ZSWIM1: variants seen among roughly 807,000 people sequenced by gnomAD.
ZSWIM1 encodes the protein zinc finger SWIM domain-containing protein 1.
Under a neutral mutation model 29.3 loss-of-function variants are expected in ZSWIM1, and 22 were observed. That is an observed-to-expected ratio of 0.75 (90% CI 0.54 to 1.07). The LOEUF is 1.07. Ranked by LOEUF, ZSWIM1 falls within the 50% of genes least tolerant of loss-of-function variation. ZSWIM1 has a pLI of 0.00. For missense variants in ZSWIM1, 511 were observed against 596.2 expected (o/e 0.86, Z 1.49); for synonymous variants, 228 against 240.8 (o/e 0.95, Z 0.49).
rs1455684050 is a variant in ZSWIM1, at chr20:45,883,390, C to T, written c.798C>T (p.Ser266=). 8 of 1,614,104 alleles carry T rather than the reference C, an allele frequency of 5.0e-6. No homozygotes were observed. The highest frequency in any genetic ancestry group is 2.2e-5 in the East Asian group (1 of 44,898). ...TCGAGGTCACCACCCACATCCTCAG[C>T]CAGTTCTTTGGTACCACCCCATCTG... The part of the protein sequence containing the change: ...QSLEVTTHIL[S]QFFGTTPSEK... Residue 266 remains serine, a synonymous_variant, in exon 2 of 2, where the codon AGC becomes AGT. Coordinates refer to ENST00000372523, the MANE Select transcript of ZSWIM1 (RefSeq NM_080603.5).
chr20:45,883,907 A>G lies in ZSWIM1; in HGVS notation c.1315A>G (p.Lys439Glu). Residue 439 changes from lysine (K) to glutamate (E), a missense_variant, in exon 2 of 2, where the codon AAG (lysine) becomes GAG (glutamate). Lys to Glu is a moderately conservative substitution (Grantham distance 56). Transcript: ENST00000372523. Reference sequence around the variant, plus strand: ...CAGCAAGTGGAGTGAGACCCTGGATAAGCACCTGGCAGTGACTCACCTCAC... The same window carrying G: ...CAGCAAGTGGAGTGAGACCCTGGATGAGCACCTGGCAGTGACTCACCTCAC... ...LGSKWSETLD[K>E]HLAVTHLTEE... 1 of 1,614,110 alleles carries G rather than the reference A, an allele frequency of 6.2e-7. No individual in the cohort carries two copies. The highest frequency in any genetic ancestry group is 8.5e-7 in the Non-Finnish European group (1 of 1,180,032).
chr20:45,883,824 A>G lies in ZSWIM1; in HGVS notation c.1232A>G (p.Asp411Gly), dbSNP rs376456023. ...GCCCGCCGCCAGGTGCTCCAGCCCG[A>G]CATGCTGCCGGCTCAGTGGACGGCA... is the stretch of plus-strand genomic sequence containing the variant. ...LSARRQVLQP[D>G]MLPAQWTAGC... is the part of the protein sequence containing the mutation. Residue 411 changes from aspartate to glycine, a missense_variant, in exon 2 of 2, where the codon GAC becomes GGC. Physicochemically the swap from Asp to Gly is moderately conservative, Grantham distance 94 (BLOSUM62 -1). Transcript: ENST00000372523. The G allele has an allele frequency of 2.2e-5, 36 of 1,613,640 alleles. 1 individual carries two copies. The East Asian group carries it at 2.7e-4, about 12-fold the overall frequency.
chr20:45,884,134 ACACACACACT>A lies in ZSWIM1; in HGVS notation c.*86_*95del. The A allele has an allele frequency of 1.3e-5, 19 of 1,447,478 alleles. No individual in the cohort carries two copies. The highest frequency in any genetic ancestry group is 1.3e-5 in the Non-Finnish European group (14 of 1,069,914). 89.7% of individuals were successfully genotyped at this position (1,447,478 alleles called of 1,614,324 possible). A position where few individuals can be genotyped will look rare whatever the true frequency, so the allele number is the denominator to read the frequency against. On this transcript the variant is annotated 3_prime_UTR_variant, in exon 2 of 2. Coordinates refer to ENST00000372523, the MANE Select transcript of ZSWIM1 (RefSeq NM_080603.5). ...CACACACACACACACACACACACACACACACACACTCCCTTACACTGTTGTACTTCCGTGG... is the reference window on the plus strand; with the variant it reads ...CACACACACACACACACACACACACACCCTTACACTGTTGTACTTCCGTGG...
At chr20:45,880,986 A>G (rs1367079891), upstream of ZSWIM1, among the ~76,000 whole-genome samples, 1 of 152,212 alleles carries the variant, frequency 6.6e-6, no homozygotes, top group Non-Finnish European at 1.5e-5. Flanking sequence ...CCAGTCGCCT[A>G]GCCTGAAGGG....
In ZSWIM1 at chr20:45,883,127, G is replaced by A. The variant is rs1215467531; in HGVS notation, c.535G>A (p.Ala179Thr). Residue 179 changes from alanine to threonine, a missense_variant, in exon 2 of 2, where the codon GCC (alanine) becomes ACC (threonine). Transcript: ENST00000372523. ...CTTCCACATTTGTAAGTTCCTCCAG[G>A]CCAAGTTCTATCAGCTGTCCCTTGA... ...SAFHICKFLQAKFYQLSLERP... is the reference protein window; with the variant it reads ...SAFHICKFLQTKFYQLSLERP... 1.2e-6 allele frequency: 2 copies of A among 1,614,164 alleles called. No homozygotes were observed. The highest frequency in any genetic ancestry group is 2.2e-5 in the South Asian group (2 of 91,076).
intron 1 of ZSWIM1, among the ~76,000 whole-genome samples, chr20:45,882,114 G>T (rs754156961): frequency 3.9e-5 from 6 of 152,214 alleles, no homozygotes; most frequent in Non-Finnish European, 5.9e-5. Flanking sequence ...GCCTCCCAAA[G>T]TACTGGGATT....
Position 45,882,577 on chromosome 20 carries a change from A to G in ZSWIM1, c.-16A>G, listed in dbSNP as rs753328399. On this transcript the variant is annotated 5_prime_UTR_variant, in exon 2 of 2. Transcript: ENST00000372523. ...ATCTGGGAATGATTGTCTAGCCTCC[A>G]GCCTCAACTTACTTGATGCTTGAGA... is the stretch of plus-strand genomic sequence containing the variant. 1.9e-6 allele frequency: 3 copies of G among 1,602,836 alleles called. No homozygotes were observed. The highest frequency in any genetic ancestry group is 1.1e-5 in the South Asian group (1 of 89,472).
chr20:45,885,042 T>C lies in ZSWIM1; in HGVS notation c.*992T>C, dbSNP rs373158262. ...ATAAAATAAATGGCAACCCCTGGTC[T>C]AAGATAAGAGATAAAACATCAGGTG... is the stretch of plus-strand genomic sequence containing the variant. On this transcript the variant is annotated 3_prime_UTR_variant, in exon 2 of 2. Transcript: ENST00000372523. 6.0e-6 allele frequency: 1 copy of C among 167,032 alleles called. No individual in the cohort carries two copies. The highest frequency in any genetic ancestry group is 1.9e-4 in the East Asian group (1 of 5,182). 10.3% of individuals were successfully genotyped at this position (167,032 alleles called of 1,614,324 possible).
chr20:45,882,564 T>C lies in ZSWIM1; in HGVS notation c.-29T>C. On this transcript the variant is annotated 5_prime_UTR_variant, in exon 2 of 2. Coordinates refer to ENST00000372523, the MANE Select transcript of ZSWIM1 (RefSeq NM_080603.5). ...CTTTGGAAAAAAGATCTGGGAATGA[T>C]TGTCTAGCCTCCAGCCTCAACTTAC... The C allele has an allele frequency of 6.3e-7, 1 of 1,588,838 alleles. No individual in the cohort carries two copies. Among genetic ancestry groups the C allele is most frequent in the Non-Finnish European group, 8.6e-7 (1 of 1,167,860 alleles).
Position 45,884,613 on chromosome 20 carries a change from C to T in ZSWIM1, c.*563C>T, listed in dbSNP as rs138690365. On this transcript the variant is annotated 3_prime_UTR_variant, in exon 2 of 2. Transcript: ENST00000372523. ...TCCTGACTTCGTGATCTGCCCGCCT[C>T]GGCCTCCCAAAGTGCTGGGATTACA... 7,731 of 166,666 alleles carry T rather than the reference C, an allele frequency of 0.046. 227 individuals carry two copies. The highest frequency in any genetic ancestry group is 0.11 in the South Asian group (533 of 4,814). 10.3% of individuals were successfully genotyped at this position (166,666 alleles called of 1,614,324 possible).
Position 45,884,016 on chromosome 20 carries a change from G to A in ZSWIM1, c.1424G>A (p.Ser475Asn), listed in dbSNP as rs202023384. ...RYSTLRELAD[S>N]WIGPYEQVQL ...AGCACCCTGCGGGAACTGGCCGACA[G>A]CTGGATTGGGCCTTATGAGCAGGTC... Residue 475 changes from serine (S) to asparagine (N), a missense_variant, in exon 2 of 2, where the codon AGC becomes AAC. Transcript: ENST00000372523. 19 of 1,613,592 alleles carry A rather than the reference G, an allele frequency of 1.2e-5. No homozygotes were observed. Among genetic ancestry groups the A allele is most frequent in the Non-Finnish European group, 1.5e-5 (18 of 1,179,726 alleles).
rs767871175 is a variant in ZSWIM1 at position 45,883,305 on chromosome 20, G to T, written c.713G>T (p.Arg238Leu). 8 of 1,613,838 alleles carry T rather than the reference G, an allele frequency of 5.0e-6. No individual in the cohort carries two copies. The highest frequency in any genetic ancestry group is 5.9e-6 in the Non-Finnish European group (7 of 1,180,038). ...CACTCACACTGGCTGCTCAACGACCGCATCTGGCTGGCTCACCGCTGGAGA... is the reference window on the plus strand; with the variant it reads ...CACTCACACTGGCTGCTCAACGACCTCATCTGGCTGGCTCACCGCTGGAGA... ...ELHSHWLLND[R>L]IWLAHRWRSR... Residue 238 changes from arginine to leucine, a missense_variant, in exon 2 of 2, where the codon CGC becomes CTC. By Grantham distance (102) the Arg-to-Leu change is moderately radical (BLOSUM62 -2). Transcript: ENST00000372523.
rs1005275272 is a variant in ZSWIM1, at chr20:45,885,009, T to TA, written c.*967dup. On this transcript the variant is annotated 3_prime_UTR_variant, in exon 2 of 2. Transcript: ENST00000372523. ...CAGCCTGGGAGGGTGAGACTCCATC[T>TA]AAAAAAAATAAAATAAATGGCAACC... 27 of 166,828 alleles carry TA rather than the reference T, an allele frequency of 1.6e-4. No individual in the cohort carries two copies. The highest frequency in any genetic ancestry group is 9.6e-5 in the African/African-American group (4 of 41,512). The allele number at this position is 166,828 out of a possible 1,614,324, so 10.3% of individuals were successfully genotyped here. A position where few individuals can be genotyped will look rare whatever the true frequency, so the allele number is the denominator to read the frequency against.
At position 45,883,833 on chromosome 20, in the gene ZSWIM1, C is replaced by T. The variant is rs761821569; in HGVS notation, c.1241C>T (p.Pro414Leu). Residue 414 changes from proline (P) to leucine (L), a missense_variant, in exon 2 of 2, where the codon CCG (proline) becomes CTG (leucine). Transcript: ENST00000372523. ...CAGGTGCTCCAGCCCGACATGCTGC[C>T]GGCTCAGTGGACGGCAGGCTGTGCT... ...RRQVLQPDML[P>L]AQWTAGCATS... 4.1e-5 allele frequency: 66 copies of T among 1,613,426 alleles called. No individual in the cohort carries two copies. In the South Asian group the frequency reaches 5.3e-4, roughly 13 times the overall value.
chr20:45,883,503 A>G lies in ZSWIM1; in HGVS notation c.911A>G (p.Asn304Ser). Residue 304 changes from asparagine to serine, a missense_variant, in exon 2 of 2, where the codon AAC becomes AGC. Physicochemically the swap from Asn to Ser is conservative, Grantham distance 46 (BLOSUM62 1). Transcript: ENST00000372523. ...TTCAACCAGGGCCTGTGTGCCCAGAACAATCATGCTCCCTCAGACACCATC... is the reference window on the plus strand; with the variant it reads ...TTCAACCAGGGCCTGTGTGCCCAGAGCAATCATGCTCCCTCAGACACCATC... ...ANFNQGLCAQ[N>S]NHAPSDTIPE... is the part of the protein sequence containing the mutation. 1.2e-6 allele frequency: 2 copies of G among 1,614,226 alleles called. No homozygotes were observed. Among genetic ancestry groups the G allele is most frequent in the Non-Finnish European group, 8.5e-7 (1 of 1,180,040 alleles).
chr20:45,884,256 C>A lies in ZSWIM1; in HGVS notation c.*206C>A. On this transcript the variant is annotated 3_prime_UTR_variant, in exon 2 of 2. Transcript: ENST00000372523. Reference sequence around the variant, plus strand: ...CCTGCTACCTAGCATGTGTCTAGCTCAATGAGACAGGAGTCAGCAAATCTT... The same window carrying A: ...CCTGCTACCTAGCATGTGTCTAGCTAAATGAGACAGGAGTCAGCAAATCTT... The A allele has an allele frequency of 3.3e-6, 2 of 608,718 alleles. No homozygotes were observed. The highest frequency in any genetic ancestry group is 5.7e-6 in the Non-Finnish European group (2 of 352,924). The allele number at this position is 608,718 out of a possible 1,614,324, so 37.7% of individuals were successfully genotyped here. A position where few individuals can be genotyped will look rare whatever the true frequency, so the allele number is the denominator to read the frequency against.
rs1986403496 is a variant in ZSWIM1 at position 45,884,152 on chromosome 20, A to G, written c.*102A>G. The G allele has an allele frequency of 2.1e-6, 3 of 1,423,624 alleles. No individual in the cohort carries two copies. Among genetic ancestry groups the G allele is most frequent in the African/African-American group, 1.5e-5 (1 of 65,504 alleles). The allele number at this position is 1,423,624 out of a possible 1,614,324, so 88.2% of individuals were successfully genotyped here. A position where few individuals can be genotyped will look rare whatever the true frequency, so the allele number is the denominator to read the frequency against. ...CACACACACACACACACTCCCTTACACTGTTGTACTTCCGTGGGCCCTCCT... is the reference window on the plus strand; with the variant it reads ...CACACACACACACACACTCCCTTACGCTGTTGTACTTCCGTGGGCCCTCCT... On this transcript the variant is annotated 3_prime_UTR_variant, in exon 2 of 2. Coordinates refer to ENST00000372523, the MANE Select transcript of ZSWIM1 (RefSeq NM_080603.5).
rs1166827712 is a variant in ZSWIM1, at chr20:45,883,977, T to C, written c.1385T>C (p.Phe462Ser). 1.2e-6 allele frequency: 2 copies of C among 1,614,098 alleles called. No individual in the cohort carries two copies. Among genetic ancestry groups the C allele is most frequent in the Admixed American group, 1.7e-5 (1 of 60,010 alleles). Residue 462 changes from phenylalanine to serine, a missense_variant, in exon 2 of 2, where the codon TTT becomes TCT. Physicochemically the swap from Phe to Ser is radical, Grantham distance 155 (BLOSUM62 -2). Transcript: ENST00000372523. ...TTGCAGCACTGCACCAAGGAGGAGT[T>C]TGAGCGGAGGTATAGCACCCTGCGG... ...QLLQHCTKEE[F>S]ERRYSTLREL...
chr20:45,883,840 G>T lies in ZSWIM1; in HGVS notation c.1248G>T (p.Gln416His). ...QVLQPDMLPA[Q>H]WTAGCATSLD... ...TCCAGCCCGACATGCTGCCGGCTCA[G>T]TGGACGGCAGGCTGTGCTACCAGTC... The change falls in exon 2 of 2, where the codon CAG becomes CAT. Residue 416 changes from glutamine to histidine, a missense_variant. Transcript: ENST00000372523. 6.2e-7 allele frequency: 1 copy of T among 1,613,660 alleles called. No individual in the cohort carries two copies. The highest frequency in any genetic ancestry group is 8.5e-7 in the Non-Finnish European group (1 of 1,180,028).
Sources: allele counts gnomAD v4.1 joint callset (sites outside exome capture counted in the v4.1 genomes callset), GRCh38; gene constraint gnomAD v4.1.1; transcripts MANE v1.5; gene names NCBI Gene and HGNC (gene_info 2026-07-23, HGNC 2026-07-21).